SDK2: variants seen among roughly 807,000 people sequenced by gnomAD.
The protein encoded by SDK2 is protein sidekick-2.
In SDK2, 105 loss-of-function variants were observed where a neutral mutation model predicts 253.9. The observed-to-expected ratio is 0.41, with a 90% CI of 0.35 to 0.49. The LOEUF is 0.49. SDK2 is among the 20% of genes least tolerant of loss of function. The pLI, the probability that SDK2 is intolerant of heterozygous loss-of-function variation, is 0.06. For synonymous variants in SDK2, 1,249 were observed against 1,234.9 expected, an observed-to-expected ratio of 1.01 and a Z score of -0.24; for missense variants, 2,608 against 3,003.0, an observed-to-expected ratio of 0.87 and a Z score of 3.07.
At chr17:73,580,627 T>C (rs1387609651) in intron 1 of SDK2, among the ~76,000 whole-genome samples, 2 of 152,244 alleles carry the variant, frequency 1.3e-5, no homozygotes, top group Non-Finnish European at 2.9e-5. Flanking sequence ...CCTTCATCTT[T>C]GAACTTGTGC....
At chr17:73,620,027 T>G (rs1422569724) in intron 1 of SDK2, among the ~76,000 whole-genome samples, 1 of 152,044 alleles carries the variant, frequency 6.6e-6, no homozygotes, top group Non-Finnish European at 1.5e-5. Context: ...GGTGAAACCC[T>G]GTCTCTACAA....
intron 44 of SDK2, among the ~76,000 whole-genome samples, chr17:73,345,234 G>A (rs1036440388): frequency 1.3e-5 from 2 of 151,992 alleles, no homozygotes; most frequent in African/African-American, 2.4e-5. Context: ...CAGGAGAATC[G>A]CTTGAACCTG....
chr17:73,514,816 A>T (rs941741200), intron 1 of SDK2, among the ~76,000 whole-genome samples: 1 of 152,074 alleles, frequency 6.6e-6, no homozygotes, highest in South Asian at 2.1e-4. Flanking sequence ...CTTTTCTCCC[A>T]CCATCTCCTA....
chr17:73,551,479 C>A (rs2145837447), intron 1 of SDK2, among the ~76,000 whole-genome samples: 1 of 152,296 alleles, frequency 6.6e-6, no homozygotes, highest in African/African-American at 2.4e-5. Context: ...GCGGCCGAGG[C>A]CTTCGGTTTT....
At chr17:73,531,613 G>A (rs777228271) in intron 1 of SDK2, among the ~76,000 whole-genome samples, 5 of 152,016 alleles carry the variant, frequency 3.3e-5, no homozygotes, top group Admixed American at 6.6e-5. Flanking sequence ...GGCCCTTATC[G>A]CCTCCCAGCC....
rs2062817307 is a variant in SDK2, at chr17:73,379,948, TC to T, written c.4763-400del. Among the ~76,000 whole-genome samples the T allele has an allele frequency of 6.6e-6, 1 of 151,946 alleles. No homozygotes were observed. The highest frequency in any genetic ancestry group is 2.4e-5 in the African/African-American group (1 of 41,352). On this transcript the variant is annotated intron_variant, in intron 34 of 44. Coordinates refer to ENST00000392650, the MANE Select transcript of SDK2 (RefSeq NM_001144952.2). This position sits in a 1 kb window ranked among gnomAD's most constrained non-coding sequence, Gnocchi z 4.5. The stretch of plus-strand genomic sequence containing the variant: ...CCGTGACAGATGCCCAGAGTCCCCA[TC>T]CACCAACTCTTTACACAGCGGGGCT...
At position 73,338,855 on chromosome 17, in the gene SDK2, T is replaced by G. The variant is rs1568355959; in HGVS notation, c.6251A>C (p.Tyr2084Ser). The G allele has an allele frequency of 6.2e-7, 1 of 1,613,902 alleles. No homozygotes were observed. The highest frequency in any genetic ancestry group is 2.2e-5 in the East Asian group (1 of 44,878). ...VNHYISDPTY[Y>S]NSWRRQQKGI... is the part of the protein sequence containing the mutation. ...CTTCTGCTGTCGCCGCCACGAGTTG[T>G]AGTATGTGGGGTCACTGATGTAGTG... Residue 2084 changes from tyrosine (Y) to serine (S), a missense_variant, in exon 45 of 45, where the codon TAC (tyrosine) becomes TCC (serine). Tyr to Ser is a moderately radical substitution (Grantham distance 144). Around this residue, in one of 2 missense-constraint regions of SDK2, gnomAD observed 1,103 missense variants for 1,143.9 expected, o/e 0.96. Coordinates refer to ENST00000392650, the MANE Select transcript of SDK2 (RefSeq NM_001144952.2). The surrounding 1 kb of genome is among the most constrained non-coding windows in gnomAD (Gnocchi z 5.0).
At chr17:73,430,418 G>A (rs1013756151) in intron 12 of SDK2, 93 bp downstream of exon 12, 2 of 949,936 alleles carry the variant, frequency 2.1e-6, no homozygotes, top group Non-Finnish European at 3.3e-6. Context: ...CTCTGCAGCT[G>A]TTACCTCCCT....
rs536472254 is a variant in SDK2, at chr17:73,599,491, C to T, written c.64+44534G>A. Among the ~76,000 whole-genome samples the T allele has an allele frequency of 1.3e-4, 20 of 150,784 alleles. No individual in the cohort carries two copies. The South Asian group carries it at 2.1e-3, about 16-fold the overall frequency. On this transcript the variant is annotated intron_variant, in intron 1 of 44. Transcript: ENST00000392650. The stretch of plus-strand genomic sequence containing the variant: ...CGGAGGCTGCAGTGAGCTGAGATAG[C>T]GGCACTGCACTCCAGCCTGGATGAC...
At chr17:73,550,875 A>G (rs936958562) in intron 1 of SDK2, among the ~76,000 whole-genome samples, 3 of 152,116 alleles carry the variant, frequency 2.0e-5, no homozygotes, top group Non-Finnish European at 2.9e-5. Flanking sequence ...ACCCGTCCAC[A>G]GGGAGCTGGA....
At chr17:73,340,847 G>A (rs1173364306) in intron 44 of SDK2, among the ~76,000 whole-genome samples, 51 of 132,772 alleles carry the variant, frequency 3.8e-4, no homozygotes, top group Middle Eastern at 4.6e-3. Flanking sequence ...GGGTTCAAGT[G>A]ATTCTCCTGC....
intron 1 of SDK2, among the ~76,000 whole-genome samples, chr17:73,538,752 A>G (rs1009059032): frequency 1.3e-5 from 2 of 152,168 alleles, no homozygotes; most frequent in Non-Finnish European, 2.9e-5. Flanking sequence ...TCACATAAGC[A>G]GGCACCCAGT....
chr17:73,465,318 C>T lies in SDK2; in HGVS notation c.331+6794G>A, dbSNP rs978849619. On this transcript the variant is annotated intron_variant, in intron 3 of 44. Transcript: ENST00000392650. The surrounding 1 kb of genome is among the most constrained non-coding windows in gnomAD (Gnocchi z 4.2). ...CTGCCCTGCTGTGGGTGGGTGGGTG[C>T]GTGGGTTTGGTGCTGGAGTGGATGG... Among the ~76,000 whole-genome samples the T allele has an allele frequency of 4.8e-4, 67 of 139,396 alleles. 2 individuals carry two copies. Among genetic ancestry groups the T allele is most frequent in the African/African-American group, 1.6e-3 (60 of 37,762 alleles). The allele number at this position is 139,396 out of a possible 152,430, so 91.4% of individuals were successfully genotyped here. A position where few individuals can be genotyped will look rare whatever the true frequency, so the allele number is the denominator to read the frequency against.
At chr17:73,537,111 G>A (rs2044787680) in intron 1 of SDK2, among the ~76,000 whole-genome samples, 2 of 152,176 alleles carry the variant, frequency 1.3e-5, no homozygotes, top group South Asian at 4.1e-4. Context: ...GCATGTGCGT[G>A]CGTGCGTGTG....
chr17:73,561,583 G>A (rs529305535), intron 1 of SDK2, among the ~76,000 whole-genome samples: 100 of 152,338 alleles, frequency 6.6e-4, no homozygotes, highest in African/African-American at 2.3e-3. Flanking sequence ...GGATCACTAT[G>A]TCATGGGCCA....
chr17:73,382,864 AACAACAACG>A (rs2062842609), intron 33 of SDK2, among the ~76,000 whole-genome samples: 1 of 151,932 alleles, frequency 6.6e-6, no homozygotes, highest in African/African-American at 2.4e-5. Flanking sequence ...CAACGACAAC[AACAACAACG>A]ACAACATTAG....
chr17:73,591,156 G>A (rs1707406822), intron 1 of SDK2, among the ~76,000 whole-genome samples: 1 of 152,180 alleles, frequency 6.6e-6, no homozygotes, highest in African/African-American at 2.4e-5. Context: ...CTGACCTCTG[G>A]TGATCCACCT....
chr17:73,388,851 T>TCC (rs1243686781), intron 29 of SDK2, among the ~76,000 whole-genome samples: 20 of 110,756 alleles, frequency 1.8e-4, no homozygotes, highest in Admixed American at 3.9e-4. Context: ...CTCCTTTCCT[T>TCC]TTCTTTCTCC....
chr17:73,571,538 C>A (rs182911631), intron 1 of SDK2, among the ~76,000 whole-genome samples: 90 of 152,332 alleles, frequency 5.9e-4, no homozygotes, highest in Non-Finnish European at 1.0e-3. Context: ...CCCGGTGGCC[C>A]CCCGGGCGCT....
Sources: allele counts gnomAD v4.1 joint callset (sites outside exome capture counted in the v4.1 genomes callset), GRCh38; gene constraint gnomAD v4.1.1; regional missense constraint gnomAD v4.1.1; non-coding constraint Gnocchi (gnomAD v3.1); transcripts MANE v1.5; gene names NCBI Gene and HGNC (gene_info 2026-07-23, HGNC 2026-07-21).